Variants in PCDHA1 observed in about 807,000 individuals in gnomAD.
The protein encoded by PCDHA1 is protocadherin alpha 1, also known as protocadherin alpha-1.
PCDHA1 carries 42 observed loss-of-function variants against 61.3 expected under a neutral mutation model. That is an observed-to-expected ratio of 0.69 (90% CI 0.54 to 0.89). The LOEUF (loss-of-function observed/expected upper bound fraction) is 0.89. Ranked by LOEUF, PCDHA1 falls within the 40% of genes least tolerant of loss-of-function variation. PCDHA1 has a pLI of 0.00. For missense variants in PCDHA1, 1,256 were observed against 1,235.3 expected, an observed-to-expected ratio of 1.02 and a Z score of -0.25; for synonymous variants, 610 against 553.8, an observed-to-expected ratio of 1.10 and a Z score of -1.43.
At position 140,795,591 on chromosome 5, in the gene PCDHA1, T is replaced by A. The variant is rs144006982; in HGVS notation, c.2394+6907T>A. The A allele has an allele frequency of 6.2e-6, 10 of 1,614,204 alleles. No homozygotes were observed. The East Asian group carries it at 1.8e-4, about 29-fold the overall frequency. On this transcript the variant is annotated intron_variant, in intron 1 of 3. Coordinates refer to ENST00000504120, the MANE Select transcript of PCDHA1 (RefSeq NM_018900.4). ...ACAGAGAGGAAACTGCTGAGGTTAA[T>A]TTGTTACTGGTGGCTACTGATGGGG...
At chr5:140,942,913 G>T (rs1467978300) in intron 1 of PCDHA1, among the ~76,000 whole-genome samples, 1 of 148,868 alleles carries the variant, frequency 6.7e-6, no homozygotes, top group South Asian at 2.1e-4. Flanking sequence ...TAAGCGTGAA[G>T]AAAAAAAAAA....
At chr5:140,951,672 T>C (rs1242247980) in intron 1 of PCDHA1, among the ~76,000 whole-genome samples, 1 of 152,114 alleles carries the variant, frequency 6.6e-6, no homozygotes, top group Non-Finnish European at 1.5e-5. Flanking sequence ...GCCTACAAAA[T>C]TGGGGATTAC....
At chr5:140,966,314 G>C (rs1255868901) in intron 1 of PCDHA1, 2 of 388,054 alleles carry the variant, frequency 5.2e-6, no homozygotes, top group Middle Eastern at 6.5e-4. Flanking sequence ...GTGTTCCTGC[G>C]GTCCGCTGGG....
intron 1 of PCDHA1, among the ~76,000 whole-genome samples, chr5:140,909,245 G>T (rs189143592): frequency 2.6e-5 from 4 of 152,288 alleles, no homozygotes; most frequent in African/African-American, 7.2e-5. Flanking sequence ...AAGATATATT[G>T]CTGGCCTTGC....
At position 140,995,103 on chromosome 5, in the gene PCDHA1, C is replaced by T. The variant is rs535399594; in HGVS notation, c.2542+12540C>T. Reference sequence around the variant, plus strand: ...CAAACTTATCTGTGGAGATACATTCCAAGACCCTCAGTGGATGCCTGAAAC... The same window carrying T: ...CAAACTTATCTGTGGAGATACATTCTAAGACCCTCAGTGGATGCCTGAAAC... On this transcript the variant is annotated intron_variant, in intron 3 of 3. Coordinates refer to ENST00000504120, the MANE Select transcript of PCDHA1 (RefSeq NM_018900.4). 1.1e-4 allele frequency among the ~76,000 whole-genome samples: 16 copies of T among 152,290 alleles called. No individual in the cohort carries two copies. In the South Asian group the frequency reaches 2.9e-3, roughly 28 times the overall value.
At chr5:140,793,535 A>G (rs1311297836) in intron 1 of PCDHA1, among the ~76,000 whole-genome samples, 1 of 152,250 alleles carries the variant, frequency 6.6e-6, no homozygotes, top group African/African-American at 2.4e-5. Flanking sequence ...TCTTACGGAC[A>G]TTGCAAATTT....
At chr5:140,796,745 T>G (rs1581622293) in intron 1 of PCDHA1, 1 of 1,614,064 alleles carries the variant, frequency 6.2e-7, no homozygotes, top group Non-Finnish European at 8.5e-7. Context: ...GTGGCGAAGG[T>G]GCGCGCAGTG....
chr5:140,842,192 G>T (rs2150331449), intron 1 of PCDHA1: 27 of 1,613,606 alleles, frequency 1.7e-5, no homozygotes, highest in Non-Finnish European at 2.2e-5. Flanking sequence ...TATGGTTATT[G>T]ACCACTTTAG....
chr5:140,803,193 C>G (rs781991461), intron 1 of PCDHA1: 3 of 1,613,786 alleles, frequency 1.9e-6, no homozygotes, highest in Admixed American at 1.7e-5. Context: ...GGCCACTGTG[C>G]TGGTGTCGCT....
At chr5:140,840,009 T>C (rs1322278624) in intron 1 of PCDHA1, among the ~76,000 whole-genome samples, 2 of 152,046 alleles carry the variant, frequency 1.3e-5, no homozygotes, top group Admixed American at 6.5e-5. Context: ...ACTGAGAAGA[T>C]TGGCTCATGG....
At chr5:141,005,500 G>A (rs954556024) in intron 3 of PCDHA1, among the ~76,000 whole-genome samples, 2 of 151,574 alleles carry the variant, frequency 1.3e-5, no homozygotes, top group East Asian at 1.9e-4. Flanking sequence ...TCAGGAGATC[G>A]AGACCATCCT....
intron 3 of PCDHA1, among the ~76,000 whole-genome samples, chr5:141,003,897 T>G (rs1554259369): frequency 6.6e-6 from 1 of 152,132 alleles, no homozygotes; most frequent in Non-Finnish European, 1.5e-5. Flanking sequence ...ACAGGCCCAT[T>G]CATTTGGGTC....
intron 1 of PCDHA1, chr5:140,857,485 G>C (rs1554150101): frequency 6.3e-7 from 1 of 1,598,368 alleles, no homozygotes; most frequent in Non-Finnish European, 8.6e-7. Context: ...TGTCTGCGTG[G>C]GACGCGGACG....
chr5:140,786,154 G>T lies in PCDHA1; in HGVS notation c.-137G>T, dbSNP rs1554117294. 1 of 1,123,738 alleles carries T rather than the reference G, an allele frequency of 8.9e-7. No individual in the cohort carries two copies. Among genetic ancestry groups the T allele is most frequent in the Non-Finnish European group, 1.3e-6 (1 of 786,552 alleles). The allele number at this position is 1,123,738 out of a possible 1,614,324, so 69.6% of individuals were successfully genotyped here. On this transcript the variant is annotated 5_prime_UTR_variant, in exon 1 of 4. Coordinates refer to ENST00000504120, the MANE Select transcript of PCDHA1 (RefSeq NM_018900.4). ...AGAAGGGAGCTACTGATCACTAAAA[G>T]TGAAGGAGGAAGCTCCATTTTGTCA... is the stretch of plus-strand genomic sequence containing the variant.
At chr5:140,807,203 G>T (rs1562206612) in intron 1 of PCDHA1, 1 of 1,613,738 alleles carries the variant, frequency 6.2e-7, no homozygotes, top group South Asian at 1.1e-5. Flanking sequence ...GTTTTCCTGG[G>T]GAAGCGGCCA....
At chr5:140,823,190 A>G in intron 1 of PCDHA1, 2 of 1,613,854 alleles carry the variant, frequency 1.2e-6, no homozygotes, top group South Asian at 1.1e-5. Flanking sequence ...CCAGGCTGCC[A>G]CATCTTCACG....
chr5:140,906,611 C>T (rs2072787341), intron 1 of PCDHA1, among the ~76,000 whole-genome samples: 1 of 152,196 alleles, frequency 6.6e-6, no homozygotes, highest in Non-Finnish European at 1.5e-5. Flanking sequence ...ATTCTGTATT[C>T]CCTTTGCCTT....
At chr5:140,848,906 A>G (rs2150424072) in intron 1 of PCDHA1, 1 of 1,608,234 alleles carries the variant, frequency 6.2e-7, no homozygotes, top group African/African-American at 1.4e-5. Flanking sequence ...CAGCGACACA[A>G]AAGAATCTGT....
intron 1 of PCDHA1, chr5:140,830,725 T>A (rs1319417645): frequency 9.0e-6 from 2 of 221,188 alleles, no homozygotes; most frequent in Admixed American, 5.6e-5. Context: ...AACCAAAATA[T>A]TCTTGGATAT....
Sources: allele counts gnomAD v4.1 joint callset (sites outside exome capture counted in the v4.1 genomes callset), GRCh38; gene constraint gnomAD v4.1.1; transcripts MANE v1.5; gene names NCBI Gene and HGNC (gene_info 2026-07-23, HGNC 2026-07-21).